HS6ST3: variants seen among roughly 807,000 people sequenced by gnomAD.
The protein encoded by HS6ST3 is heparan-sulfate 6-O-sulfotransferase 3.
In HS6ST3, 12 loss-of-function variants were observed where a neutral mutation model predicts 36.7. That is an observed-to-expected ratio of 0.33 (90% CI 0.21 to 0.53). The LOEUF (loss-of-function observed/expected upper bound fraction) is 0.53, where lower values mean the gene tolerates loss of function less well. Among genes scored for constraint, HS6ST3 ranks in the 20% least tolerant of loss-of-function variants. HS6ST3 has a pLI of 0.95. For missense variants in HS6ST3, 584 were observed against 640.9 expected, an observed-to-expected ratio of 0.91 and a Z score of 0.96; for synonymous variants, 240 against 257.5, an observed-to-expected ratio of 0.93 and a Z score of 0.65.
chr13:96,446,029 C>T (rs1393791182), intron 1 of HS6ST3, among the ~76,000 whole-genome samples: 8 of 151,952 alleles, frequency 5.3e-5, no homozygotes, highest in African/African-American at 1.4e-4. Flanking sequence ...AAAAATTAGC[C>T]GGGCGTGGTG....
At chr13:96,808,244 A>G (rs888767049) in intron 1 of HS6ST3, among the ~76,000 whole-genome samples, 1 of 152,196 alleles carries the variant, frequency 6.6e-6, no homozygotes, top group Non-Finnish European at 1.5e-5. Context: ...CTGTTCACCA[A>G]TATTTTTTGT....
chr13:96,357,721 T>C (rs2055216968), intron 1 of HS6ST3, among the ~76,000 whole-genome samples: 1 of 152,042 alleles, frequency 6.6e-6, no homozygotes, highest in African/African-American at 2.4e-5. Context: ...AGGTTCTCGG[T>C]ATGTTAACCA....
chr13:96,143,146 C>T (rs1024934491), intron 1 of HS6ST3, among the ~76,000 whole-genome samples: 6 of 152,032 alleles, frequency 3.9e-5, no homozygotes, highest in Non-Finnish European at 8.8e-5. Flanking sequence ...TGGATGAACA[C>T]AGATCCTATT....
At chr13:96,673,678 G>A (rs1056639180) in intron 1 of HS6ST3, among the ~76,000 whole-genome samples, 2 of 151,932 alleles carry the variant, frequency 1.3e-5, no homozygotes, top group Admixed American at 6.6e-5. Context: ...ATCTTCTGTT[G>A]TGTTTTCTGT....
chr13:96,200,612 T>G (rs2054336896), intron 1 of HS6ST3, among the ~76,000 whole-genome samples: 1 of 152,206 alleles, frequency 6.6e-6, no homozygotes, highest in South Asian at 2.1e-4. Flanking sequence ...TTTGGCACAT[T>G]TTATAACTAT....
At chr13:96,825,857 C>CT (rs1290648103) in intron 1 of HS6ST3, among the ~76,000 whole-genome samples, 3 of 152,188 alleles carry the variant, frequency 2.0e-5, no homozygotes, top group African/African-American at 7.2e-5. Context: ...CTTAAATATT[C>CT]TTTGTCCACT....
chr13:96,175,319 G>A (rs957847824), intron 1 of HS6ST3, among the ~76,000 whole-genome samples: 3 of 152,034 alleles, frequency 2.0e-5, no homozygotes, highest in African/African-American at 2.4e-5. Flanking sequence ...GATGTTGTTC[G>A]TGAGCAGTCT....
chr13:96,469,745 G>T (rs1358377042), intron 1 of HS6ST3, among the ~76,000 whole-genome samples: 1 of 152,026 alleles, frequency 6.6e-6, no homozygotes, highest in Admixed American at 6.6e-5. Flanking sequence ...TGGTGATGGC[G>T]GTGGTGGTGA....
intron 1 of HS6ST3, among the ~76,000 whole-genome samples, chr13:96,700,445 A>G (rs558645222): frequency 8.1e-4 from 123 of 152,314 alleles, no homozygotes; most frequent in Non-Finnish European, 1.5e-3. Context: ...GGGTGGGGAC[A>G]CAGCCAAACC....
chr13:96,626,056 A>G (rs9516728), intron 1 of HS6ST3, among the ~76,000 whole-genome samples: 3,578 of 151,570 alleles, frequency 0.024, 75 homozygotes, highest in Non-Finnish European at 0.037. Flanking sequence ...GTTAGCCAGC[A>G]TGGTCTCGAT....
chr13:96,136,833 T>G (rs760232808), intron 1 of HS6ST3, among the ~76,000 whole-genome samples: 12 of 151,992 alleles, frequency 7.9e-5, no homozygotes, highest in African/African-American at 2.9e-4. Context: ...TTTACTTATT[T>G]TGATAGAAGA....
chr13:96,251,481 C>T (rs1168629419), intron 1 of HS6ST3, among the ~76,000 whole-genome samples: 3 of 151,890 alleles, frequency 2.0e-5, no homozygotes, highest in Admixed American at 6.6e-5. Context: ...TCTCTTTTTT[C>T]CCTAGTCTAG....
At chr13:96,117,867 T>C (rs1225932575) in intron 1 of HS6ST3, among the ~76,000 whole-genome samples, 1 of 151,884 alleles carries the variant, frequency 6.6e-6, no homozygotes, top group South Asian at 2.1e-4. Flanking sequence ...TACCTTAGAA[T>C]GTGACTTTTT....
chr13:96,424,698 C>T (rs573194786), intron 1 of HS6ST3, among the ~76,000 whole-genome samples: 116 of 152,224 alleles, frequency 7.6e-4, no homozygotes, highest in Admixed American at 1.6e-3. Flanking sequence ...TTTATAAGGG[C>T]ACCGGTCCCA....
At position 96,599,643 on chromosome 13, in the gene HS6ST3, C is replaced by G. The variant is rs573281577; in HGVS notation, c.708-232847C>G. Among the ~76,000 whole-genome samples the G allele has an allele frequency of 5.9e-5, 9 of 151,408 alleles. No individual in the cohort carries two copies. In the South Asian group the frequency reaches 1.7e-3, roughly 28 times the overall value. On this transcript the variant is annotated intron_variant, in intron 1 of 1. Transcript: ENST00000376705. Reference sequence around the variant, plus strand: ...TGTTTCAATTTTGTTTACTGCTGGTCTCATCTTTGTTGTTTCTTTTCATCT... The same window carrying G: ...TGTTTCAATTTTGTTTACTGCTGGTGTCATCTTTGTTGTTTCTTTTCATCT...
intron 1 of HS6ST3, among the ~76,000 whole-genome samples, chr13:96,158,336 T>G (rs1323656793): frequency 1.3e-5 from 2 of 151,508 alleles, no homozygotes; most frequent in Non-Finnish European, 2.9e-5. Flanking sequence ...AAAAGCTAAT[T>G]TGAAGTGGAG....
chr13:96,686,065 A>G (rs1412383098), intron 1 of HS6ST3, among the ~76,000 whole-genome samples: 2 of 152,014 alleles, frequency 1.3e-5, no homozygotes, highest in African/African-American at 4.8e-5. Context: ...AACGTAACCC[A>G]TCATTAAATT....
chr13:96,449,929 T>C (rs1167558623), intron 1 of HS6ST3, among the ~76,000 whole-genome samples: 3 of 152,218 alleles, frequency 2.0e-5, no homozygotes, highest in African/African-American at 7.2e-5. Flanking sequence ...CATTACGTTA[T>C]ATTGCTTACT....
chr13:96,172,300 T>G (rs529883663), intron 1 of HS6ST3, among the ~76,000 whole-genome samples: 1 of 152,196 alleles, frequency 6.6e-6, no homozygotes, highest in Non-Finnish European at 1.5e-5. Context: ...TCAAAGGGTA[T>G]ATCATGCAGT....
Sources: gnomAD v4.1 joint callset for allele counts (sites outside exome capture counted in the v4.1 genomes callset) on GRCh38, gnomAD v4.1.1 for gene constraint, MANE v1.5 for transcripts, NCBI Gene and HGNC (gene_info 2026-07-23, HGNC 2026-07-21) for gene names.